Variants in RNF144B observed in about 807,000 individuals in gnomAD.
The protein encoded by RNF144B is E3 ubiquitin-protein ligase RNF144B.
A neutral mutation model predicts 40.2 loss-of-function variants in RNF144B; 25 were observed. The observed-to-expected ratio is 0.62, with a 90% confidence interval of 0.45 to 0.87. The LOEUF is 0.87. Among genes scored for constraint, RNF144B ranks in the 40% least tolerant of loss-of-function variants. The pLI is 0.00. For synonymous variants in RNF144B, 145 were observed against 136.3 expected, an observed-to-expected ratio of 1.06 and a Z score of -0.44; for missense variants, 365 against 373.7, an observed-to-expected ratio of 0.98 and a Z score of 0.19.
rs1235953740 is a variant in RNF144B, at chr6:18,444,159, AT to A, written c.331+4419del. ...TATGTCTTTAAGTCTGACGGAAAATATTTTGAATAGGATTGCACAAAAATCA... is the reference window on the plus strand; with the variant it reads ...TATGTCTTTAAGTCTGACGGAAAATATTTGAATAGGATTGCACAAAAATCA... On this transcript the variant is annotated intron_variant, in intron 4 of 7. Coordinates refer to ENST00000259939, the MANE Select transcript of RNF144B (RefSeq NM_182757.4). The surrounding 1 kb of genome is among the most constrained non-coding windows in gnomAD (Gnocchi z 4.3). Among the ~76,000 whole-genome samples the A allele has an allele frequency of 6.6e-6, 1 of 152,180 alleles. No homozygotes were observed. Among genetic ancestry groups the A allele is most frequent in the African/African-American group, 2.4e-5 (1 of 41,452 alleles).
chr6:18,422,221 T>C lies in RNF144B; in HGVS notation c.166-5360T>C, dbSNP rs909822718. On this transcript the variant is annotated intron_variant, in intron 2 of 7. Transcript: ENST00000259939. The surrounding 1 kb of genome is among the most constrained non-coding windows in gnomAD (Gnocchi z 4.7). ...TAGGGAGAGATACTATCTTGAATTGTGCTAATAATTTAACTCAACAGCATC... is the reference window on the plus strand; with the variant it reads ...TAGGGAGAGATACTATCTTGAATTGCGCTAATAATTTAACTCAACAGCATC... 1.3e-5 allele frequency among the ~76,000 whole-genome samples: 2 copies of C among 152,176 alleles called. No homozygotes were observed. The highest frequency in any genetic ancestry group is 2.9e-5 in the Non-Finnish European group (2 of 68,030).
In RNF144B at chr6:18,441,823, A is replaced by G. The variant is rs2113517774; in HGVS notation, c.331+2079A>G. ...GTACCACAGGGTTGTGATGAGGATT[A>G]TGTGAATTAATACTTGTAAAGCACT... is the stretch of plus-strand genomic sequence containing the variant. On this transcript the variant is annotated intron_variant, in intron 4 of 7. Transcript: ENST00000259939. The surrounding 1 kb of genome is among the most constrained non-coding windows in gnomAD (Gnocchi z 4.9). 6.6e-6 allele frequency among the ~76,000 whole-genome samples: 1 copy of G among 152,312 alleles called. No homozygotes were observed. Among genetic ancestry groups the G allele is most frequent in the East Asian group, 1.9e-4 (1 of 5,186 alleles).
chr6:18,401,160 A>G (rs1214482860), intron 2 of RNF144B, among the ~76,000 whole-genome samples: 5 of 150,752 alleles, frequency 3.3e-5, no homozygotes, highest in Non-Finnish European at 7.4e-5. Context: ...AATTTTTGCT[A>G]TGACATTTAA....
chr6:18,456,158 G>C lies in RNF144B; in HGVS notation c.332-997G>C, dbSNP rs1759321015. On this transcript the variant is annotated intron_variant, in intron 4 of 7. Coordinates refer to ENST00000259939, the MANE Select transcript of RNF144B (RefSeq NM_182757.4). This position sits in a 1 kb window ranked among gnomAD's most constrained non-coding sequence, Gnocchi z 4.7. ...AGGATGGTCTTGATCTCCTAACCTTGTGATCCGCCTACCTCAGCCTCCCAA... is the reference window on the plus strand; with the variant it reads ...AGGATGGTCTTGATCTCCTAACCTTCTGATCCGCCTACCTCAGCCTCCCAA... Among the ~76,000 whole-genome samples the C allele has an allele frequency of 6.6e-6, 1 of 152,138 alleles. No homozygotes were observed. Among genetic ancestry groups the C allele is most frequent in the Non-Finnish European group, 1.5e-5 (1 of 68,026 alleles).
chr6:18,388,587 A>G (rs1794516022), intron 1 of RNF144B, among the ~76,000 whole-genome samples: 2 of 152,096 alleles, frequency 1.3e-5, no homozygotes, highest in South Asian at 4.1e-4. Context: ...CTTTCACATC[A>G]AATCCCTCTG....
chr6:18,387,442 C>G lies in RNF144B; in HGVS notation c.-225C>G. 8.2e-7 allele frequency: 1 copy of G among 1,217,552 alleles called. No homozygotes were observed. The highest frequency in any genetic ancestry group is 7.2e-5 in the East Asian group (1 of 13,824). 75.4% of individuals were successfully genotyped at this position (1,217,552 alleles called of 1,614,324 possible). A position where few individuals can be genotyped will look rare whatever the true frequency, so the allele number is the denominator to read the frequency against. On this transcript the variant is annotated 5_prime_UTR_variant, in exon 1 of 8. Coordinates refer to ENST00000259939, the MANE Select transcript of RNF144B (RefSeq NM_182757.4). ...GGTCGGGGACTCCGCCTCCTCCCGA[C>G]CCGTAGGTCTGGGAGCGCAAGTCCT...
rs1795067944 is a variant in RNF144B, at chr6:18,412,490, A to G, written c.165+12791A>G. ...AAATGGGCCATATCTAGAAAAGTATATTACACATAGAAGACATGAATGAAT... is the reference window on the plus strand; with the variant it reads ...AAATGGGCCATATCTAGAAAAGTATGTTACACATAGAAGACATGAATGAAT... On this transcript the variant is annotated intron_variant, in intron 2 of 7. Coordinates refer to ENST00000259939, the MANE Select transcript of RNF144B (RefSeq NM_182757.4). The surrounding 1 kb of genome is among the most constrained non-coding windows in gnomAD (Gnocchi z 4.2). Among the ~76,000 whole-genome samples, 1 of 152,212 alleles carries G rather than the reference A, an allele frequency of 6.6e-6. No homozygotes were observed. Among genetic ancestry groups the G allele is most frequent in the Admixed American group, 6.5e-5 (1 of 15,286 alleles).
Position 18,404,155 on chromosome 6 carries a change from C to G in RNF144B, c.165+4456C>G, listed in dbSNP as rs1485938727. Among the ~76,000 whole-genome samples the G allele has an allele frequency of 2.6e-5, 4 of 152,360 alleles. No homozygotes were observed. The East Asian group carries it at 7.7e-4, about 29-fold the overall frequency. On this transcript the variant is annotated intron_variant, in intron 2 of 7. Coordinates refer to ENST00000259939, the MANE Select transcript of RNF144B (RefSeq NM_182757.4). ...GATTTGCAATGTGTATGTGCACACA[C>G]AGTTTGGTAACTTTCAAATGAAGCA...
chr6:18,408,675 T>G (rs774769359), intron 2 of RNF144B, among the ~76,000 whole-genome samples: 1 of 152,038 alleles, frequency 6.6e-6, no homozygotes, highest in Non-Finnish European at 1.5e-5. Context: ...GAAGGGCCCT[T>G]CCTACCTTGA....
chr6:18,420,258 G>A (rs1795231055), intron 2 of RNF144B, among the ~76,000 whole-genome samples: 1 of 151,358 alleles, frequency 6.6e-6, no homozygotes, highest in African/African-American at 2.4e-5. Flanking sequence ...CATTTCCTTT[G>A]AGCACCATAT....
At chr6:18,439,787 C>A in intron 4 of RNF144B, 43 bp downstream of exon 4, 1 of 1,361,628 alleles carries the variant, frequency 7.3e-7, no homozygotes, top group Non-Finnish European at 1.1e-6. Context: ...TGTGGTTTTA[C>A]ATGTGTCATT....
Position 18,457,078 on chromosome 6 carries a change from T to A in RNF144B, c.332-77T>A. 8.8e-7 allele frequency: 1 copy of A among 1,136,582 alleles called. No homozygotes were observed. Among genetic ancestry groups the A allele is most frequent in the Non-Finnish European group, 1.3e-6 (1 of 746,774 alleles). 70.4% of individuals were successfully genotyped at this position (1,136,582 alleles called of 1,614,324 possible). A position where few individuals can be genotyped will look rare whatever the true frequency, so the allele number is the denominator to read the frequency against. Reference sequence around the variant, plus strand: ...TCTGGTTCCAAATAAATTAAATAAATAAGAGGGCAAATGAAGGTGAGAAAG... The same window carrying A: ...TCTGGTTCCAAATAAATTAAATAAAAAAGAGGGCAAATGAAGGTGAGAAAG... On this transcript the variant is annotated intron_variant, in intron 4 of 7. Coordinates refer to ENST00000259939, the MANE Select transcript of RNF144B (RefSeq NM_182757.4). This position sits in a 1 kb window ranked among gnomAD's most constrained non-coding sequence, Gnocchi z 5.1.
chr6:18,434,988 A>C lies in RNF144B; in HGVS notation c.271-4696A>C, dbSNP rs1758786017. On this transcript the variant is annotated intron_variant, in intron 3 of 7. Coordinates refer to ENST00000259939, the MANE Select transcript of RNF144B (RefSeq NM_182757.4). The surrounding 1 kb of genome is among the most constrained non-coding windows in gnomAD (Gnocchi z 4.1). Reference sequence around the variant, plus strand: ...AGAAATGAAACAAAACAAAATAGTGATTGTGGACAATTAGTAGCTTTTGTT... The same window carrying C: ...AGAAATGAAACAAAACAAAATAGTGCTTGTGGACAATTAGTAGCTTTTGTT... Among the ~76,000 whole-genome samples, 1 of 152,192 alleles carries C rather than the reference A, an allele frequency of 6.6e-6. No homozygotes were observed. Among genetic ancestry groups the C allele is most frequent in the African/African-American group, 2.4e-5 (1 of 41,418 alleles).
At chr6:18,389,009 C>T (rs1031328978) in intron 1 of RNF144B, among the ~76,000 whole-genome samples, 4 of 152,108 alleles carry the variant, frequency 2.6e-5, no homozygotes, top group South Asian at 4.1e-4. Context: ...ACCAAAAAAA[C>T]CCCCCAAAAC....
intron 3 of RNF144B, among the ~76,000 whole-genome samples, chr6:18,436,647 AGATAC>A (rs1409615549): frequency 2.6e-5 from 4 of 152,172 alleles, no homozygotes; most frequent in Non-Finnish European, 2.9e-5. Context: ...GCATACCACA[AGATAC>A]CTCTTCATAA....
rs140109661 is a variant in RNF144B, at chr6:18,406,995, G to C, written c.165+7296G>C. 3.3e-5 allele frequency among the ~76,000 whole-genome samples: 5 copies of C among 152,212 alleles called. No homozygotes were observed. The highest frequency in any genetic ancestry group is 1.2e-4 in the African/African-American group (5 of 41,516). On this transcript the variant is annotated intron_variant, in intron 2 of 7. Transcript: ENST00000259939. The surrounding 1 kb of genome is among the most constrained non-coding windows in gnomAD (Gnocchi z 4.2). Reference sequence around the variant, plus strand: ...CACACTTATCAAACAACCAGATCTCGTGAGAATTCACTATCATGGGAACAG... The same window carrying C: ...CACACTTATCAAACAACCAGATCTCCTGAGAATTCACTATCATGGGAACAG...
chr6:18,442,282 A>G lies in RNF144B; in HGVS notation c.331+2538A>G, dbSNP rs1758982092. ...GCATCTGAGCCAGTCTATCTTTTTTAGGTGGTGATGCATATTTCTACTTTG... is the reference window on the plus strand; with the variant it reads ...GCATCTGAGCCAGTCTATCTTTTTTGGGTGGTGATGCATATTTCTACTTTG... On this transcript the variant is annotated intron_variant, in intron 4 of 7. Transcript: ENST00000259939. This position sits in a 1 kb window ranked among gnomAD's most constrained non-coding sequence, Gnocchi z 4.3. Among the ~76,000 whole-genome samples, 2 of 152,228 alleles carry G rather than the reference A, an allele frequency of 1.3e-5. No individual in the cohort carries two copies. The highest frequency in any genetic ancestry group is 6.5e-5 in the Admixed American group (1 of 15,286).
intron 3 of RNF144B, among the ~76,000 whole-genome samples, chr6:18,432,404 G>A (rs574434434): frequency 6.6e-6 from 1 of 152,142 alleles, no homozygotes; most frequent in African/African-American, 2.4e-5. Flanking sequence ...TAGGAGCCAG[G>A]GAAAAGTAAA....
At position 18,459,619 on chromosome 6, in the gene RNF144B, G is replaced by C. The variant is rs779222242; in HGVS notation, c.549G>C (p.Gly183=). 6 of 1,613,450 alleles carry C rather than the reference G, an allele frequency of 3.7e-6. No homozygotes were observed. The Admixed American group carries it at 5.0e-5, about 13-fold the overall frequency. Residue 183 remains glycine, a synonymous_variant, in exon 6 of 8, where the codon GGG becomes GGC. Transcript: ENST00000259939. This position sits in a 1 kb window ranked among gnomAD's most constrained non-coding sequence, Gnocchi z 4.2. ...ATTTTGTTTCTAGAGCCCTCTTTGG[G>C]ACAGATGCAGAAGCCCCCATTAAGC... ...VLPTEHRALF[G]TDAEAPIKQC... is the part of the protein sequence containing the mutation.
Sources: allele counts gnomAD v4.1 joint callset (sites outside exome capture counted in the v4.1 genomes callset), GRCh38; gene constraint gnomAD v4.1.1; non-coding constraint Gnocchi (gnomAD v3.1); transcripts MANE v1.5; gene names NCBI Gene and HGNC (gene_info 2026-07-23, HGNC 2026-07-21).